Variants in TLN2 observed in about 807,000 individuals in gnomAD.
TLN2 encodes the protein talin 2, also known as talin-2.
Under a neutral mutation model 294.7 loss-of-function variants are expected in TLN2, and 118 were observed. That is an observed-to-expected ratio of 0.40 (90% CI 0.34 to 0.47). The LOEUF (loss-of-function observed/expected upper bound fraction) is 0.47, where lower values mean the gene tolerates loss of function less well. TLN2 is among the 20% of genes least tolerant of loss of function. The pLI is 0.84. For missense variants in TLN2, 3,083 were observed against 3,282.2 expected (o/e 0.94, Z 1.48); for synonymous variants, 1,431 against 1,304.5 (o/e 1.10, Z -2.09).
chr15:62,792,636 T>C lies in TLN2; in HGVS notation c.5737-5T>C, dbSNP rs767898386. 6.2e-7 allele frequency: 1 copy of C among 1,612,752 alleles called. No homozygotes were observed. The highest frequency in any genetic ancestry group is 1.1e-5 in the South Asian group (1 of 91,004). ...TCCTTCCCCATCCTGGGCTTGCCTC[T>C]GCAGATCGGATTCCAGATTCGCACT... On this transcript the variant is annotated splice_region_variant and splice_polypyrimidine_tract_variant and intron_variant, in intron 45 of 58. Coordinates refer to ENST00000636159, the MANE Select transcript of TLN2 (RefSeq NM_015059.3).
intron 1 of TLN2, among the ~76,000 whole-genome samples, chr15:62,457,682 C>T (rs907701324): frequency 4.6e-5 from 7 of 152,112 alleles, no homozygotes; most frequent in Non-Finnish European, 7.3e-5. Context: ...GATAAAGCCA[C>T]GGCCAGCAGA....
At chr15:62,739,102 A>G (rs1020838793) in intron 30 of TLN2, among the ~76,000 whole-genome samples, 1 of 152,142 alleles carries the variant, frequency 6.6e-6, no homozygotes, top group East Asian at 1.9e-4. Flanking sequence ...CCCTGTAGAT[A>G]GCTTACATTT....
At chr15:62,397,359 G>C (rs543000588) in intron 1 of TLN2, among the ~76,000 whole-genome samples, 1 of 152,212 alleles carries the variant, frequency 6.6e-6, no homozygotes, top group Non-Finnish European at 1.5e-5. Flanking sequence ...CCGGGCTCAA[G>C]TGATCCTCCT....
In TLN2 at chr15:62,655,990, T is replaced by A; in HGVS notation, c.564T>A (p.Asp188Glu). The A allele has an allele frequency of 2.5e-6, 4 of 1,614,186 alleles. No individual in the cohort carries two copies. The South Asian group carries it at 4.4e-5, about 18-fold the overall frequency. ...HSRTFREQGV[D>E]ENETLLLRRK... The stretch of plus-strand genomic sequence containing the variant: ...GAACATTCAGAGAACAAGGAGTAGA[T>A]GAAAACGAAACGTTGCTGCTTAGAC... Residue 188 changes from aspartate to glutamate, a missense_variant, in exon 8 of 59, where the codon GAT becomes GAA. Physicochemically the swap from Asp to Glu is conservative, Grantham distance 45. Transcript: ENST00000636159.
intron 3 of TLN2, among the ~76,000 whole-genome samples, chr15:62,641,636 A>T (rs185070995): frequency 1.7e-3 from 227 of 132,548 alleles, no homozygotes; most frequent in African/African-American, 5.9e-3. Context: ...ATAAAAATAA[A>T]AAAAAAATAA....
At chr15:62,821,082 T>C (rs2067525895) in intron 54 of TLN2, among the ~76,000 whole-genome samples, 1 of 152,262 alleles carries the variant, frequency 6.6e-6, no homozygotes, top group Non-Finnish European at 1.5e-5. Context: ...TGGTATGTTT[T>C]TTCCTTCTGT....
chr15:62,667,141 A>AT (rs369281319), intron 9 of TLN2, among the ~76,000 whole-genome samples: 10 of 151,658 alleles, frequency 6.6e-5, no homozygotes, highest in African/African-American at 1.9e-4. Context: ...AATTTTTTGT[A>AT]TTTTTTAGTA....
At chr15:62,535,586 G>T (rs1488926316) in intron 1 of TLN2, among the ~76,000 whole-genome samples, 1 of 146,168 alleles carries the variant, frequency 6.8e-6, no homozygotes, top group Admixed American at 6.9e-5. Context: ...GACAGTGTCT[G>T]GTTCTGTTGC....
At chr15:62,709,084 G>A (rs77114851) in intron 21 of TLN2, among the ~76,000 whole-genome samples, 4 of 152,320 alleles carry the variant, frequency 2.6e-5, no homozygotes, top group East Asian at 1.9e-4. Context: ...TGTTGGGTAC[G>A]GTATGGCAAA....
chr15:62,720,779 G>T (rs2060094406), intron 25 of TLN2, among the ~76,000 whole-genome samples: 1 of 151,838 alleles, frequency 6.6e-6, no homozygotes, highest in Non-Finnish European at 1.5e-5. Context: ...TCTGTTATAT[G>T]ACTATACTCT....
intron 1 of TLN2, among the ~76,000 whole-genome samples, chr15:62,428,077 C>A (rs2034815076): frequency 6.6e-6 from 1 of 152,158 alleles, no homozygotes; most frequent in African/African-American, 2.4e-5. Flanking sequence ...TGCCACCACC[C>A]CCCCTCCACA....
At chr15:62,715,904 C>A (rs2059742078) in intron 22 of TLN2, among the ~76,000 whole-genome samples, 1 of 152,176 alleles carries the variant, frequency 6.6e-6, no homozygotes, top group Non-Finnish European at 1.5e-5. Flanking sequence ...TGGACTCTTA[C>A]CCCTTCACAT....
intron 8 of TLN2, among the ~76,000 whole-genome samples, chr15:62,656,826 T>C (rs1230717895): frequency 6.6e-6 from 1 of 152,236 alleles, no homozygotes; most frequent in African/African-American, 2.4e-5. Flanking sequence ...TATTGATAAA[T>C]CCCCTTGAGG....
rs117856743 is a variant in TLN2 at position 62,807,384 on chromosome 15, A to C, written c.6663+1599A>C. 3.3e-5 allele frequency among the ~76,000 whole-genome samples: 5 copies of C among 152,274 alleles called. No homozygotes were observed. The East Asian group carries it at 5.8e-4, about 18-fold the overall frequency. ...CATGATGAAATGGGCTCAGAGAGAG[A>C]AGTGGCATGACCAAGGTCACGCAGC... is the stretch of plus-strand genomic sequence containing the variant. On this transcript the variant is annotated intron_variant, in intron 51 of 58. Transcript: ENST00000636159.
intron 42 of TLN2, among the ~76,000 whole-genome samples, chr15:62,772,251 C>G (rs1009930941): frequency 6.6e-6 from 1 of 152,148 alleles, no homozygotes; most frequent in African/African-American, 2.4e-5. Flanking sequence ...ACCACAGCAC[C>G]CAGCTTGGAC....
chr15:62,476,346 T>C (rs1338613598), intron 1 of TLN2: 2 of 152,314 alleles, frequency 1.3e-5, no homozygotes, highest in Non-Finnish European at 2.9e-5. Context: ...CAGGGTGACA[T>C]CTGGACTGGC....
intron 28 of TLN2, among the ~76,000 whole-genome samples, chr15:62,730,867 C>G (rs1319446292): frequency 6.6e-6 from 1 of 152,082 alleles, no homozygotes. Context: ...TGTCCTGGGC[C>G]AGTTTTCAAA....
rs201757845 is a variant in TLN2 at position 62,642,535 on chromosome 15, C to T, written c.-36-4740C>T. On this transcript the variant is annotated intron_variant, in intron 3 of 58. Transcript: ENST00000636159. ...GTGGACAAGGAGCATAAATCTTTAT[C>T]GAGGTGTGTTGTCTGAGCTGCCTCA... 6.6e-4 allele frequency among the ~76,000 whole-genome samples: 100 copies of T among 152,038 alleles called. No homozygotes were observed. In the East Asian group the frequency reaches 8.0e-3, roughly 12 times the overall value.
chr15:62,423,665 C>G (rs1420031185), intron 1 of TLN2, among the ~76,000 whole-genome samples: 2 of 151,744 alleles, frequency 1.3e-5, no homozygotes, highest in Admixed American at 6.6e-5. Context: ...ACTGCAATAT[C>G]CGTCTCCTGG....
Sources: gnomAD v4.1 joint callset for allele counts (sites outside exome capture counted in the v4.1 genomes callset) on GRCh38, gnomAD v4.1.1 for gene constraint, MANE v1.5 for transcripts, NCBI Gene and HGNC (gene_info 2026-07-23, HGNC 2026-07-21) for gene names.